PCBP3: variants seen among roughly 807,000 people sequenced by gnomAD.
The protein encoded by PCBP3 is poly(rC) binding protein 3, also known as poly(rC)-binding protein 3.
Under a neutral mutation model 52.7 loss-of-function variants are expected in PCBP3, and 25 were observed. That is an observed-to-expected ratio of 0.47 (90% CI 0.35 to 0.66). The LOEUF is 0.66. PCBP3 is among the 30% of genes least tolerant of loss of function. PCBP3 has a pLI of 0.01. For missense variants in PCBP3, 391 were observed against 490.3 expected, an observed-to-expected ratio of 0.80 and a Z score of 1.91; for synonymous variants, 162 against 183.0, an observed-to-expected ratio of 0.89 and a Z score of 0.93.
intron 2 of PCBP3, among the ~76,000 whole-genome samples, chr21:45,690,728 G>A (rs1458761012): frequency 6.6e-6 from 1 of 152,060 alleles, no homozygotes; most frequent in Non-Finnish European, 1.5e-5. Flanking sequence ...ATCATCATTA[G>A]TCTTCAGGAA....
At chr21:45,931,672 T>C (rs1053384539) in intron 15 of PCBP3, among the ~76,000 whole-genome samples, 1 of 152,148 alleles carries the variant, frequency 6.6e-6, no homozygotes, top group African/African-American at 2.4e-5. Flanking sequence ...GGCCATGCCG[T>C]CCTGAGATGA....
rs182101913 is a variant in PCBP3 at position 45,817,229 on chromosome 21, A to G, written c.-125-32732A>G. On this transcript the variant is annotated intron_variant, in intron 4 of 17. Transcript: ENST00000681687. The surrounding 1 kb of genome is among the most constrained non-coding windows in gnomAD (Gnocchi z 4.3). ...TCACTATCCCTTCCTCTAGAACTTA[A>G]CGTTGTCCTCCTCCTAAGGTGTAGC... Among the ~76,000 whole-genome samples the G allele has an allele frequency of 3.9e-5, 6 of 152,214 alleles. No homozygotes were observed. The highest frequency in any genetic ancestry group is 2.0e-4 in the Admixed American group (3 of 15,302).
chr21:45,781,423 C>T (rs1185909569), intron 4 of PCBP3, among the ~76,000 whole-genome samples: 1 of 152,154 alleles, frequency 6.6e-6, no homozygotes, highest in Non-Finnish European at 1.5e-5. Flanking sequence ...AGATGCTCAG[C>T]GTCATTGTCA....
chr21:45,844,413 C>T (rs1219596855), intron 4 of PCBP3, among the ~76,000 whole-genome samples: 2 of 152,124 alleles, frequency 1.3e-5, no homozygotes, highest in Admixed American at 6.5e-5. Context: ...TGTCACCCAG[C>T]GCAAGGTGAG....
At chr21:45,672,321 T>C (rs1405973642) in intron 2 of PCBP3, among the ~76,000 whole-genome samples, 1 of 152,096 alleles carries the variant, frequency 6.6e-6, no homozygotes, top group African/African-American at 2.4e-5. Flanking sequence ...CCTTATAAAT[T>C]ACTGAGTTTT....
chr21:45,813,667 C>T (rs781402999), intron 4 of PCBP3, among the ~76,000 whole-genome samples: 18 of 152,326 alleles, frequency 1.2e-4, no homozygotes, highest in Non-Finnish European at 2.4e-4. Context: ...TGGTCTCAAA[C>T]TCCTGGCCTC....
chr21:45,794,903 C>T (rs1417905045), intron 4 of PCBP3, among the ~76,000 whole-genome samples: 3 of 149,620 alleles, frequency 2.0e-5, no homozygotes, highest in East Asian at 2.0e-4. Flanking sequence ...CACTCCAGCC[C>T]GGGCGACAGA....
chr21:45,712,726 A>G (rs1456486625), intron 2 of PCBP3, among the ~76,000 whole-genome samples: 1 of 150,216 alleles, frequency 6.7e-6, no homozygotes, highest in African/African-American at 2.5e-5. Flanking sequence ...CTATTGAGAC[A>G]GGGCCTCACT....
chr21:45,685,798 C>A (rs2082116295), intron 2 of PCBP3, among the ~76,000 whole-genome samples: 1 of 152,060 alleles, frequency 6.6e-6, no homozygotes, highest in South Asian at 2.1e-4. Flanking sequence ...AAAATCTGCA[C>A]TGGGGATTCC....
At chr21:45,875,633 G>C (rs555076773) in intron 5 of PCBP3, among the ~76,000 whole-genome samples, 1 of 152,316 alleles carries the variant, frequency 6.6e-6, no homozygotes, top group Admixed American at 6.5e-5. Context: ...GCAATGGCCA[G>C]GGTGACGTCC....
chr21:45,889,740 G>A (rs57996456), intron 5 of PCBP3, among the ~76,000 whole-genome samples: 8,712 of 152,242 alleles, frequency 0.057, 581 homozygotes, highest in African/African-American at 0.16. Context: ...GTTTGTTGCC[G>A]TGAGTGCTGC....
rs574482218 is a variant in PCBP3 at position 45,868,534 on chromosome 21, C to CTAAG, written c.10+18439_10+18440insTAAG. On this transcript the variant is annotated intron_variant, in intron 5 of 17. Coordinates refer to ENST00000681687, the MANE Select transcript of PCBP3 (RefSeq NM_001384156.1). ...TTCTGCAGTTTAAATCGCCACTGAG[C>CTAAG]CTTAAGGCGTCTGGCCCGCGCATTG... Among the ~76,000 whole-genome samples, 36 of 151,668 alleles carry CTAAG rather than the reference C, an allele frequency of 2.4e-4. No homozygotes were observed. In the East Asian group the frequency reaches 6.0e-3, roughly 25 times the overall value.
At chr21:45,773,971 G>A (rs2090065954) in intron 4 of PCBP3, among the ~76,000 whole-genome samples, 1 of 151,964 alleles carries the variant, frequency 6.6e-6, no homozygotes, top group South Asian at 2.1e-4. Flanking sequence ...TTATTCCTAG[G>A]TATTTTGTGT....
At chr21:45,768,570 T>A (rs1389443723) in intron 4 of PCBP3, among the ~76,000 whole-genome samples, 1 of 152,236 alleles carries the variant, frequency 6.6e-6, no homozygotes, top group Non-Finnish European at 1.5e-5. Context: ...CAACTTGATT[T>A]AGTGTAGTAC....
At chr21:45,819,851 G>A (rs563988298) in intron 4 of PCBP3, among the ~76,000 whole-genome samples, 38 of 152,342 alleles carry the variant, frequency 2.5e-4, no homozygotes, top group African/African-American at 5.5e-4. Flanking sequence ...GCCAAGCTCC[G>A]TCTGTCATGT....
chr21:45,742,853 A>G (rs898455136), intron 3 of PCBP3, among the ~76,000 whole-genome samples: 16 of 152,294 alleles, frequency 1.1e-4, no homozygotes, highest in African/African-American at 3.8e-4. Flanking sequence ...ATATTTCCAT[A>G]TCTGATAAAG....
At chr21:45,770,999 G>T (rs780467305) in intron 4 of PCBP3, among the ~76,000 whole-genome samples, 9 of 152,244 alleles carry the variant, frequency 5.9e-5, no homozygotes, top group South Asian at 2.1e-4. Flanking sequence ...AATCAATTCA[G>T]TGGAAATTTG....
At chr21:45,882,657 G>A (rs1381024796) in intron 5 of PCBP3, among the ~76,000 whole-genome samples, 1 of 152,214 alleles carries the variant, frequency 6.6e-6, no homozygotes, top group Non-Finnish European at 1.5e-5. Flanking sequence ...TGCAGTTGCA[G>A]ATCTTACATT....
chr21:45,648,695 G>T (rs1234091483), intron 1 of PCBP3, among the ~76,000 whole-genome samples: 1 of 152,196 alleles, frequency 6.6e-6, no homozygotes, highest in Non-Finnish European at 1.5e-5. Flanking sequence ...ATTGCCAATT[G>T]AGTAGATATT....
Sources: gnomAD v4.1 joint callset for allele counts (sites outside exome capture counted in the v4.1 genomes callset) on GRCh38, gnomAD v4.1.1 for gene constraint, Gnocchi (gnomAD v3.1) non-coding constraint, MANE v1.5 for transcripts, NCBI Gene and HGNC (gene_info 2026-07-23, HGNC 2026-07-21) for gene names.